The following RBFOX1 variants were observed in gnomAD, a reference collection of about 807,000 sequenced individuals.
RBFOX1 encodes the protein RNA binding protein fox-1 homolog 1.
Under a neutral mutation model 57.7 loss-of-function variants are expected in RBFOX1, and 8 were observed. The ratio of observed to expected loss-of-function variants is 0.14; its 90% CI spans 0.08 to 0.25. RBFOX1 has a LOEUF of 0.25. Among genes scored for constraint, RBFOX1 ranks in the 10% least tolerant of loss-of-function variants. The pLI is 1.00. For missense variants in RBFOX1, 611 were observed against 548.5 expected, an observed-to-expected ratio of 1.11 and a Z score of -1.14; for synonymous variants, 326 against 222.4, an observed-to-expected ratio of 1.47 and a Z score of -4.15.
intron 1 of RBFOX1, among the ~76,000 whole-genome samples, chr16:5,444,395 C>G (rs977054760): frequency 3.3e-5 from 5 of 152,296 alleles, no homozygotes; most frequent in Non-Finnish European, 7.3e-5. Context: ...AAACCATGTG[C>G]TAATAGCAAG....
At chr16:7,077,671 T>C (rs750084955) in intron 4 of RBFOX1, among the ~76,000 whole-genome samples, 2 of 152,220 alleles carry the variant, frequency 1.3e-5, no homozygotes, top group African/African-American at 2.4e-5. Context: ...TTAGTGACTT[T>C]AAAATGTTTT....
chr16:7,188,703 A>G (rs1254987093), intron 4 of RBFOX1, among the ~76,000 whole-genome samples: 1 of 152,238 alleles, frequency 6.6e-6, no homozygotes, highest in Non-Finnish European at 1.5e-5. Context: ...ATTCTGCTGC[A>G]GTCTTCATTT....
intron 1 of RBFOX1, among the ~76,000 whole-genome samples, chr16:6,276,606 G>T (rs946242168): frequency 6.6e-6 from 1 of 152,174 alleles, no homozygotes; most frequent in African/African-American, 2.4e-5. Context: ...GCCTCCAAAA[G>T]TGCTGGGATT....
At chr16:7,455,644 A>C (rs556259377) in intron 4 of RBFOX1, among the ~76,000 whole-genome samples, 1 of 151,938 alleles carries the variant, frequency 6.6e-6, no homozygotes, top group Admixed American at 6.6e-5. Context: ...TACAAAAAAA[A>C]AAATTAGCCA....
At chr16:7,642,343 C>G (rs887011840) in intron 11 of RBFOX1, among the ~76,000 whole-genome samples, 1 of 152,144 alleles carries the variant, frequency 6.6e-6, no homozygotes, top group East Asian at 1.9e-4. Context: ...AAAGCTGATG[C>G]TCAAAATCAG....
At chr16:6,339,638 G>A (rs772691538) in intron 2 of RBFOX1, among the ~76,000 whole-genome samples, 2 of 148,946 alleles carry the variant, frequency 1.3e-5, no homozygotes, top group Admixed American at 6.7e-5. Flanking sequence ...CATCTTAAGC[G>A]ATTCCTTTAT....
At chr16:6,343,984 CA>C (rs990411566) in intron 2 of RBFOX1, among the ~76,000 whole-genome samples, 30 of 152,324 alleles carry the variant, frequency 2.0e-4, no homozygotes, top group Non-Finnish European at 3.7e-4. Context: ...CTAATCTTAG[CA>C]GAGTAACCTC....
intron 3 of RBFOX1, among the ~76,000 whole-genome samples, chr16:5,790,558 AAAATGGAATAGGGAC>A (rs1292380523): frequency 2.0e-5 from 3 of 151,228 alleles, no homozygotes; most frequent in Non-Finnish European, 4.4e-5. Flanking sequence ...CACATGTGGT[AAAATGGAATAGGGAC>A]CTTGATGCTT....
intron 2 of RBFOX1, among the ~76,000 whole-genome samples, chr16:6,384,537 A>C (rs2092104937): frequency 6.6e-6 from 1 of 152,136 alleles, no homozygotes; most frequent in African/African-American, 2.4e-5. Context: ...TGCATTGAAG[A>C]AATGGAGCTT....
intron 5 of RBFOX1, among the ~76,000 whole-genome samples, chr16:7,567,416 T>TAA (rs2092066895): frequency 7.0e-6 from 1 of 142,452 alleles, no homozygotes; most frequent in South Asian, 2.2e-4. Flanking sequence ...CCTATATATA[T>TAA]ATCCCTATGT....
chr16:6,643,923 T>C (rs569929340), intron 2 of RBFOX1, among the ~76,000 whole-genome samples: 28 of 152,032 alleles, frequency 1.8e-4, no homozygotes, highest in Non-Finnish European at 3.5e-4. Context: ...GTCAGGAGTT[T>C]GAGACCAGCC....
intron 2 of RBFOX1, among the ~76,000 whole-genome samples, chr16:6,541,704 A>T (rs1259973559): frequency 6.6e-6 from 1 of 152,198 alleles, no homozygotes; most frequent in East Asian, 1.9e-4. Context: ...GCTGTAGGTC[A>T]GAGATGATGG....
intron 5 of RBFOX1, among the ~76,000 whole-genome samples, chr16:7,550,427 T>C (rs1428620084): frequency 6.6e-6 from 1 of 152,132 alleles, no homozygotes; most frequent in Admixed American, 6.5e-5. Context: ...GCCCGTGGAA[T>C]GTTTGTAGCA....
intron 3 of RBFOX1, among the ~76,000 whole-genome samples, chr16:5,799,235 G>T (rs955365789): frequency 2.0e-5 from 3 of 152,032 alleles, no homozygotes; most frequent in Admixed American, 2.0e-4. Flanking sequence ...CATAAGTACA[G>T]TATGGGGGAA....
chr16:7,053,721 C>T (rs1490660358), intron 4 of RBFOX1, among the ~76,000 whole-genome samples: 1 of 152,152 alleles, frequency 6.6e-6, no homozygotes, highest in Non-Finnish European at 1.5e-5. Flanking sequence ...GTCTTCCCCT[C>T]TCTGTTACAT....
At position 6,955,689 on chromosome 16, in the gene RBFOX1, G is replaced by GTATTTATTTATTTATTTATT. The variant is rs58578302; in HGVS notation, c.-15-96358_-15-96339dup. On this transcript the variant is annotated intron_variant, in intron 3 of 15. Transcript: ENST00000550418. Reference sequence around the variant, plus strand: ...CCACTTTATTTATTTAGGTATGTATGTATTTATTTATTTATTTATTTATTT... The same window carrying GTATTTATTTATTTATTTATT: ...CCACTTTATTTATTTAGGTATGTATGTATTTATTTATTTATTTATTTATTTATTTATTTATTTATTTATTT... Among the ~76,000 whole-genome samples the GTATTTATTTATTTATTTATT allele has an allele frequency of 6.9e-3, 814 of 118,686 alleles. 10 individuals carry two copies. Among genetic ancestry groups the GTATTTATTTATTTATTTATT allele is most frequent in the African/African-American group, 0.022 (786 of 35,206 alleles). The allele number at this position is 118,686 out of a possible 152,430, so 77.9% of individuals were successfully genotyped here.
intron 4 of RBFOX1, among the ~76,000 whole-genome samples, chr16:7,245,513 A>G (rs1056360612): frequency 3.3e-5 from 5 of 152,234 alleles, no homozygotes; most frequent in African/African-American, 1.2e-4. Flanking sequence ...TGACCAACAG[A>G]GGCTATTATG....
intron 3 of RBFOX1, among the ~76,000 whole-genome samples, chr16:6,671,421 G>C (rs1603303731): frequency 2.0e-5 from 3 of 152,296 alleles, no homozygotes; most frequent in Admixed American, 1.3e-4. Flanking sequence ...AAATATTCAT[G>C]TTCATATTCA....
chr16:6,296,792 G>C (rs758471012), intron 1 of RBFOX1, among the ~76,000 whole-genome samples: 3 of 152,294 alleles, frequency 2.0e-5, no homozygotes, highest in Non-Finnish European at 4.4e-5. Context: ...TTACTTGCCA[G>C]AGGAAGTCCA....
Sources: gnomAD v4.1 joint callset for allele counts (sites outside exome capture counted in the v4.1 genomes callset) on GRCh38, gnomAD v4.1.1 for gene constraint, MANE v1.5 for transcripts, NCBI Gene and HGNC (gene_info 2026-07-23, HGNC 2026-07-21) for gene names.